The following STRBP variants were observed in gnomAD, a reference collection of about 807,000 sequenced individuals.
STRBP encodes spermatid perinuclear RNA binding protein.
In STRBP, 13 loss-of-function variants were observed where a neutral mutation model predicts 80.1. The observed-to-expected ratio is 0.16, with a 90% CI of 0.11 to 0.26. The LOEUF (loss-of-function observed/expected upper bound fraction) is 0.26, where lower values mean the gene tolerates loss of function less well. STRBP is among the 10% of genes least tolerant of loss of function. The pLI is 1.00. For synonymous variants in STRBP, 284 were observed against 291.2 expected (o/e 0.98, Z 0.25); for missense variants, 485 against 815.2 (o/e 0.59, Z 4.93).
chr9:123,260,640 T>G (rs2132653201), intron 1 of STRBP, among the ~76,000 whole-genome samples: 1 of 152,292 alleles, frequency 6.6e-6, no homozygotes, highest in Admixed American at 6.5e-5. Flanking sequence ...GTTACGTGGT[T>G]TTTTTGGTTC....
chr9:123,243,006 A>T (rs1041015504), intron 1 of STRBP, among the ~76,000 whole-genome samples: 1 of 152,202 alleles, frequency 6.6e-6, no homozygotes, highest in Non-Finnish European at 1.5e-5. Flanking sequence ...AAGACCAAGA[A>T]AAGCTAAAAC....
At position 123,259,074 on chromosome 9, in the gene STRBP, A is replaced by G. The variant is rs182027725; in HGVS notation, c.-302+9362T>C. ...AAGGAGGAAAGGGCAAAAAAAAAAAAAGGGGGGGGGATTACTGCAATAATT... is the reference window on the plus strand; with the variant it reads ...AAGGAGGAAAGGGCAAAAAAAAAAAGAGGGGGGGGGATTACTGCAATAATT... On this transcript the variant is annotated intron_variant, in intron 1 of 18. Transcript: ENST00000348403. Among the ~76,000 whole-genome samples, 2,954 of 133,392 alleles carry G rather than the reference A, an allele frequency of 0.022. 110 individuals are homozygous for G. In the East Asian group the frequency reaches 0.3, roughly 13 times the overall value. The allele number at this position is 133,392 out of a possible 152,430, so 87.5% of individuals were successfully genotyped here.
At chr9:123,165,714 A>C (rs1564256117) in intron 6 of STRBP, among the ~76,000 whole-genome samples, 1 of 152,224 alleles carries the variant, frequency 6.6e-6, no homozygotes, top group Non-Finnish European at 1.5e-5. Flanking sequence ...AGATCAGCCT[A>C]ACCACTCATG....
chr9:123,128,581 C>T (rs1406067869), intron 17 of STRBP, among the ~76,000 whole-genome samples: 1 of 152,220 alleles, frequency 6.6e-6, no homozygotes, highest in Admixed American at 6.5e-5. Context: ...TAGCATAGAC[C>T]TGGTCAAACT....
intron 1 of STRBP, among the ~76,000 whole-genome samples, chr9:123,267,647 GCTCCCTGCCTGCCCTCACTT>G (rs2041300027): frequency 6.7e-6 from 1 of 148,984 alleles, no homozygotes; most frequent in Non-Finnish European, 1.5e-5. Context: ...CCTTTCAGGC[GCTCCCTGCCTGCCCTCACTT>G]CCCCCTGCCC....
rs747764317 is a variant in STRBP at position 123,115,369 on chromosome 9, G to C, written c.*84+560C>G. ...GAGACCTGGGAACGGGCCTGCCAGCGCCCAGCCCAGGGCTGGCAAGGAGGA... is the reference window on the plus strand; with the variant it reads ...GAGACCTGGGAACGGGCCTGCCAGCCCCCAGCCCAGGGCTGGCAAGGAGGA... On this transcript the variant is annotated intron_variant and NMD_transcript_variant, in intron 3 of 3. Coordinates refer to the STRBP transcript ENST00000471564. This position sits in a 1 kb window ranked among gnomAD's most constrained non-coding sequence, Gnocchi z 5.0. 1 of 470,998 alleles carries C rather than the reference G, an allele frequency of 2.1e-6. No homozygotes were observed. Among genetic ancestry groups the C allele is most frequent in the Admixed American group, 2.3e-5 (1 of 42,592 alleles). The allele number at this position is 470,998 out of a possible 1,614,324, so 29.2% of individuals were successfully genotyped here.
At chr9:123,259,932 C>T (rs1017773496) in intron 1 of STRBP, among the ~76,000 whole-genome samples, 8 of 152,166 alleles carry the variant, frequency 5.3e-5, no homozygotes, top group Admixed American at 2.0e-4. Context: ...AAATAAACTT[C>T]GTAGTCTTGA....
At chr9:123,196,449 A>C (rs755433241) in intron 2 of STRBP, among the ~76,000 whole-genome samples, 1 of 152,138 alleles carries the variant, frequency 6.6e-6, no homozygotes, top group Non-Finnish European at 1.5e-5. Context: ...CAAAGAATGG[A>C]AGAAAATAGT....
chr9:123,171,665 C>G (rs2038016172), intron 5 of STRBP, among the ~76,000 whole-genome samples: 1 of 152,138 alleles, frequency 6.6e-6, no homozygotes. Context: ...GAAAATGTAT[C>G]TTTACCCAAA....
intron 4 of STRBP, among the ~76,000 whole-genome samples, chr9:123,176,834 A>G (rs1291562362): frequency 6.6e-6 from 1 of 152,226 alleles, no homozygotes; most frequent in Non-Finnish European, 1.5e-5. Flanking sequence ...AATTTACTAT[A>G]TGTGAATTTA....
chr9:123,251,359 A>G (rs1045957224), intron 1 of STRBP, among the ~76,000 whole-genome samples: 1 of 152,152 alleles, frequency 6.6e-6, no homozygotes, highest in Non-Finnish European at 1.5e-5. Context: ...AGACCCCTCA[A>G]GACCCCACAA....
At chr9:123,118,493 CCCT>C (rs1231659429), downstream of STRBP, among the ~76,000 whole-genome samples, 1 of 152,220 alleles carries the variant, frequency 6.6e-6, no homozygotes, top group African/African-American at 2.4e-5. Flanking sequence ...GAGACCAAGA[CCCT>C]CCTCAGAAGG....
downstream of STRBP, among the ~76,000 whole-genome samples, chr9:123,118,929 T>C (rs138247369): frequency 2.7e-4 from 41 of 152,352 alleles, 1 homozygote; most frequent in South Asian, 8.3e-3. Context: ...TTTCATCATG[T>C]ACCCATTTTC....
intron 2 of STRBP, among the ~76,000 whole-genome samples, chr9:123,200,949 T>C (rs949407863): frequency 2.6e-5 from 4 of 151,836 alleles, no homozygotes; most frequent in African/African-American, 9.7e-5. Context: ...TATTTCTTCC[T>C]GATTTAATCT....
intron 6 of STRBP, among the ~76,000 whole-genome samples, chr9:123,166,862 C>T (rs1345180523): frequency 6.6e-6 from 1 of 152,082 alleles, no homozygotes; most frequent in Non-Finnish European, 1.5e-5. Flanking sequence ...TAGCAGGAAA[C>T]GTAGTAATGG....
intron 17 of STRBP, 105 bp downstream of exon 17, chr9:123,132,740 G>T: frequency 6.9e-7 from 1 of 1,452,000 alleles, no homozygotes; most frequent in Non-Finnish European, 9.3e-7. Flanking sequence ...TCATGCCTGT[G>T]TTATATTTCC....
At chr9:123,227,321 T>TTCCAACAGAAAGAACATC (rs1412043593) in intron 2 of STRBP, among the ~76,000 whole-genome samples, 2 of 152,078 alleles carry the variant, frequency 1.3e-5, no homozygotes, top group Non-Finnish European at 2.9e-5. Flanking sequence ...TAAAGAACAT[T>TTCCAACAGAAAGAACATC]TCCAACAGAA....
At chr9:123,114,186 T>A (rs2035609363) in intron 3 of STRBP, 1 of 167,048 alleles carries the variant, frequency 6.0e-6, no homozygotes, top group Non-Finnish European at 1.5e-5. Context: ...AGCAGAGCTG[T>A]AGGAAACAGG....
intron 2 of STRBP, among the ~76,000 whole-genome samples, chr9:123,210,301 C>CA (rs1564302503): frequency 1.3e-5 from 2 of 151,186 alleles, no homozygotes; most frequent in East Asian, 3.9e-4. Context: ...TTTTGGTCAT[C>CA]AAAAAACACC....
Sources: allele counts gnomAD v4.1 joint callset (sites outside exome capture counted in the v4.1 genomes callset), GRCh38; gene constraint gnomAD v4.1.1; non-coding constraint Gnocchi (gnomAD v3.1); transcripts MANE v1.5; gene names NCBI Gene and HGNC (gene_info 2026-07-23, HGNC 2026-07-21).